DGKB: variants seen among roughly 807,000 people sequenced by gnomAD.
DGKB encodes the protein 90 kDa diacylglycerol kinase.
DGKB carries 67 observed loss-of-function variants against 114.3 expected under a neutral mutation model. That is an observed-to-expected ratio of 0.59 (90% CI 0.48 to 0.72). DGKB has a LOEUF of 0.72. DGKB is among the 30% of genes least tolerant of loss of function. The pLI is 0.00. For synonymous variants in DGKB, 398 were observed against 323.1 expected (o/e 1.23, Z -2.49); for missense variants, 907 against 975.2 (o/e 0.93, Z 0.93).
intron 6 of DGKB, among the ~76,000 whole-genome samples, chr7:14,710,838 G>A (rs1827242417): frequency 5.9e-5 from 9 of 152,012 alleles, no homozygotes; most frequent in Admixed American, 5.9e-4. Flanking sequence ...TTAAATGCCT[G>A]TAATAATCCC....
chr7:14,243,056 C>T (rs943020993), intron 23 of DGKB, among the ~76,000 whole-genome samples: 1 of 150,900 alleles, frequency 6.6e-6, no homozygotes, highest in Non-Finnish European at 1.5e-5. Flanking sequence ...CAAGTTCAGA[C>T]ATTAAATGTA....
At chr7:14,330,763 G>A (rs1163886137) in intron 23 of DGKB, among the ~76,000 whole-genome samples, 1 of 151,786 alleles carries the variant, frequency 6.6e-6, no homozygotes, top group East Asian at 1.9e-4. Context: ...TTTCTAGTTT[G>A]TGCTTTTTAA....
At chr7:14,966,353 C>T (rs2115290161) in intron 1 of DGKB, among the ~76,000 whole-genome samples, 1 of 152,044 alleles carries the variant, frequency 6.6e-6, no homozygotes, top group East Asian at 1.9e-4. Context: ...CTGGTACTAT[C>T]AGAATGGATT....
At chr7:14,552,680 T>C (rs1363811581) in intron 20 of DGKB, among the ~76,000 whole-genome samples, 1 of 152,212 alleles carries the variant, frequency 6.6e-6, no homozygotes, top group Non-Finnish European at 1.5e-5. Context: ...GCAGCTACCA[T>C]GAATTTGACT....
At chr7:14,675,956 G>C (rs1178657645) in intron 12 of DGKB, among the ~76,000 whole-genome samples, 6 of 152,034 alleles carry the variant, frequency 3.9e-5, no homozygotes, top group African/African-American at 9.7e-5. Context: ...AAATTTGTAT[G>C]ACAGGTTTAG....
chr7:14,856,504 T>C (rs1232916676), intron 1 of DGKB, among the ~76,000 whole-genome samples: 1 of 152,138 alleles, frequency 6.6e-6, no homozygotes, highest in African/African-American at 2.4e-5. Flanking sequence ...CACATTATAG[T>C]ACCATTTTAC....
At chr7:14,816,861 G>A (rs143289879) in intron 2 of DGKB, among the ~76,000 whole-genome samples, 2 of 152,154 alleles carry the variant, frequency 1.3e-5, no homozygotes, top group African/African-American at 4.8e-5. Context: ...ACATATTTAT[G>A]TAATGTTATT....
intron 1 of DGKB, among the ~76,000 whole-genome samples, chr7:14,890,623 T>G (rs2128224825): frequency 6.6e-6 from 1 of 151,480 alleles, no homozygotes; most frequent in Non-Finnish European, 1.5e-5. Flanking sequence ...ACATCTTCTT[T>G]CTGTTACTGT....
intron 9 of DGKB, among the ~76,000 whole-genome samples, chr7:14,693,818 T>C (rs1390018319): frequency 6.6e-6 from 1 of 151,936 alleles, no homozygotes; most frequent in Non-Finnish European, 1.5e-5. Flanking sequence ...GATTGCACCT[T>C]CAACAGAGGA....
intron 23 of DGKB, among the ~76,000 whole-genome samples, chr7:14,218,399 A>G (rs1584520271): frequency 6.6e-6 from 1 of 152,146 alleles, no homozygotes; most frequent in African/African-American, 2.4e-5. Context: ...TTGCAAAAGC[A>G]TTCAATAGTT....
intron 2 of DGKB, among the ~76,000 whole-genome samples, chr7:14,816,979 T>C (rs1309521520): frequency 6.6e-6 from 1 of 152,230 alleles, no homozygotes; most frequent in Non-Finnish European, 1.5e-5. Context: ...TTTCTTTTCA[T>C]AATATGCATT....
chr7:14,915,039 C>A (rs1784174679), intron 1 of DGKB, among the ~76,000 whole-genome samples: 1 of 152,048 alleles, frequency 6.6e-6, no homozygotes, highest in East Asian at 1.9e-4. Context: ...GGGACAATTA[C>A]AAACATAAGC....
chr7:14,178,614 T>C (rs188615809), intron 23 of DGKB, among the ~76,000 whole-genome samples: 49 of 152,264 alleles, frequency 3.2e-4, no homozygotes, highest in Admixed American at 9.2e-4. Flanking sequence ...GATCATGGAG[T>C]TGGAGCTTCT....
chr7:14,705,679 G>T (rs1826081961), intron 6 of DGKB, among the ~76,000 whole-genome samples: 2 of 150,326 alleles, frequency 1.3e-5, no homozygotes, highest in African/African-American at 2.4e-5. Context: ...TTAAAGAAAA[G>T]AATTTTCAAC....
intron 20 of DGKB, among the ~76,000 whole-genome samples, chr7:14,492,338 TG>T (rs140470998): frequency 2.6e-5 from 4 of 151,618 alleles, no homozygotes; most frequent in Admixed American, 6.6e-5. Flanking sequence ...TTGTCTAGGG[TG>T]GGGGGTGATG....
chr7:14,238,233 T>C (rs771566773), intron 23 of DGKB, among the ~76,000 whole-genome samples: 1 of 151,948 alleles, frequency 6.6e-6, no homozygotes, highest in Non-Finnish European at 1.5e-5. Flanking sequence ...ACGGGGAGGA[T>C]TTCCCCCATG....
chr7:14,409,425 AGGCCGGGCGCGGTGGCTC>A (rs1824496937), intron 21 of DGKB, among the ~76,000 whole-genome samples: 10 of 66,764 alleles, frequency 1.5e-4, no homozygotes, highest in East Asian at 3.5e-4. Flanking sequence ...GAAAAAGTTG[AGGCCGGGCGCGGTGGCTC>A]ACGCCTGTAA....
At chr7:14,933,187 C>T (rs971669832) in intron 1 of DGKB, among the ~76,000 whole-genome samples, 6 of 152,142 alleles carry the variant, frequency 3.9e-5, no homozygotes, top group African/African-American at 1.4e-4. Context: ...ATCTTTGTTT[C>T]CCTGTTAATC....
At chr7:14,374,417 T>G (rs1234682799) in intron 21 of DGKB, among the ~76,000 whole-genome samples, 1 of 152,194 alleles carries the variant, frequency 6.6e-6, no homozygotes, top group Non-Finnish European at 1.5e-5. Flanking sequence ...CTCAAACTGG[T>G]TCTGCATTAG....
Sources: allele counts gnomAD v4.1 joint callset (sites outside exome capture counted in the v4.1 genomes callset), GRCh38; gene constraint gnomAD v4.1.1; transcripts MANE v1.5; gene names NCBI Gene and HGNC (gene_info 2026-07-23, HGNC 2026-07-21).